CGREF1: variants seen among roughly 807,000 people sequenced by gnomAD.
CGREF1 encodes cell growth regulator with EF-hand domain 1.
Under a neutral mutation model 17.4 loss-of-function variants are expected in CGREF1, and 16 were observed. The ratio of observed to expected loss-of-function variants is 0.92; its 90% CI spans 0.62 to 1.40. The LOEUF (loss-of-function observed/expected upper bound fraction) is 1.40. Ranked by LOEUF, CGREF1 falls within the 40% of genes most tolerant of loss-of-function variation. The pLI is 0.00. For missense variants in CGREF1, 296 were observed against 376.4 expected, an observed-to-expected ratio of 0.79 and a Z score of 1.77; for synonymous variants, 142 against 154.6, an observed-to-expected ratio of 0.92 and a Z score of 0.61.
chr2:27,105,555 C>CT (rs386389774), intron 1 of CGREF1, among the ~76,000 whole-genome samples: 2 of 150,660 alleles, frequency 1.3e-5, no homozygotes, highest in African/African-American at 2.4e-5. Flanking sequence ...TCTTTTTTTT[C>CT]TTTTTTTTTG....
chr2:27,103,368 C>CAA (rs1183627703), intron 2 of CGREF1, among the ~76,000 whole-genome samples: 2 of 104,520 alleles, frequency 1.9e-5, no homozygotes, highest in Non-Finnish European at 3.8e-5. Context: ...TTTGGTGTTG[C>CAA]CACCATAAGG....
intron 1 of CGREF1, among the ~76,000 whole-genome samples, chr2:27,114,384 T>G (rs1671501670): frequency 6.6e-6 from 1 of 152,106 alleles, no homozygotes; most frequent in African/African-American, 2.4e-5. Flanking sequence ...ACCCCTCAGA[T>G]CCACTCATCC....
At chr2:27,099,516 G>C, downstream of CGREF1, 2 of 1,614,154 alleles carry the variant, frequency 1.2e-6, no homozygotes, top group Middle Eastern at 1.6e-4. Flanking sequence ...CACCCCGCGT[G>C]GTGGATACAC....
intron 1 of CGREF1, among the ~76,000 whole-genome samples, chr2:27,114,446 T>A (rs1489754882): frequency 1.3e-5 from 2 of 152,198 alleles, no homozygotes; most frequent in Non-Finnish European, 2.9e-5. Context: ...TACACATTCT[T>A]TGACATTCCT....
intron 1 of CGREF1, among the ~76,000 whole-genome samples, chr2:27,111,980 C>T (rs1172947902): frequency 6.6e-6 from 1 of 152,214 alleles, no homozygotes. Flanking sequence ...GCCGAGGAGG[C>T]GCCGAGAACG....
At chr2:27,104,869 A>C in intron 1 of CGREF1, 1 of 1,337,720 alleles carries the variant, frequency 7.5e-7, no homozygotes, top group Non-Finnish European at 9.9e-7. Flanking sequence ...CCCACTGAAG[A>C]ACAAATCAAA....
intron 1 of CGREF1, among the ~76,000 whole-genome samples, chr2:27,117,319 G>T (rs1323595973): frequency 6.6e-6 from 1 of 152,212 alleles, no homozygotes; most frequent in Non-Finnish European, 1.5e-5. Context: ...AGGTTAGTGC[G>T]ATGTGTTGAC....
At chr2:27,118,335 C>G (rs917991519) in intron 1 of CGREF1, among the ~76,000 whole-genome samples, 2 of 152,160 alleles carry the variant, frequency 1.3e-5, no homozygotes, top group Non-Finnish European at 1.5e-5. Context: ...TGAGTAGAAT[C>G]CTCTCCCTTA....
intron 1 of CGREF1, among the ~76,000 whole-genome samples, chr2:27,117,747 C>T (rs1406253731): frequency 1.5e-5 from 2 of 136,930 alleles, no homozygotes; most frequent in Non-Finnish European, 1.5e-5. Flanking sequence ...CTCGCTCTGT[C>T]GCCCAGGCTG....
chr2:27,102,471 T>G (rs1239147915), intron 3 of CGREF1, 41 bp from the exon 4 acceptor site: 9 of 1,613,268 alleles, frequency 5.6e-6, no homozygotes, highest in Non-Finnish European at 5.9e-6. Flanking sequence ...GAGGTGAGTC[T>G]GCAGCCCTGG....
chr2:27,101,174 G>A lies in CGREF1; in HGVS notation c.*100C>T. On this transcript the variant is annotated 3_prime_UTR_variant, in exon 6 of 6. Transcript: ENST00000402394. The stretch of plus-strand genomic sequence containing the variant: ...TGATACCTACTGGGACCAGGCAGGG[G>A]GCACAGAGATGGTCCTTGTCCCAGC... 6.7e-7 allele frequency: 1 copy of A among 1,492,012 alleles called. No individual in the cohort carries two copies. Among genetic ancestry groups the A allele is most frequent in the Non-Finnish European group, 8.9e-7 (1 of 1,127,268 alleles). 92.4% of individuals were successfully genotyped at this position (1,492,012 alleles called of 1,614,324 possible).
chr2:27,109,417 A>G lies in CGREF1; in HGVS notation c.-11-5040T>C, dbSNP rs114381708. Reference sequence around the variant, plus strand: ...TGAAATGCAAGAAAACATGTGGAGCAAAGAAATCACAAAGTATGTGGCTAA... The same window carrying G: ...TGAAATGCAAGAAAACATGTGGAGCGAAGAAATCACAAAGTATGTGGCTAA... On this transcript the variant is annotated intron_variant, in intron 1 of 5. Transcript: ENST00000402394. Among the ~76,000 whole-genome samples, 503 of 152,056 alleles carry G rather than the reference A, an allele frequency of 3.3e-3. 1 individual carries two copies. Among genetic ancestry groups the G allele is most frequent in the African/African-American group, 0.012 (478 of 41,508 alleles).
rs1671692650 is a variant in CGREF1, at chr2:27,118,946, GC to G, written c.-113del. Reference sequence around the variant, plus strand: ...TCCCGCCGCCAGCCTCCCCCGGGCCGCTCCACGTGGCCGCTCCACGTCGCCC... The same window carrying G: ...TCCCGCCGCCAGCCTCCCCCGGGCCGTCCACGTGGCCGCTCCACGTCGCCC... On this transcript the variant is annotated 5_prime_UTR_variant, in exon 1 of 6. Transcript: ENST00000402394. 6.6e-6 allele frequency: 1 copy of G among 152,064 alleles called. No homozygotes were observed. The highest frequency in any genetic ancestry group is 6.6e-5 in the Admixed American group (1 of 15,170). 9.4% of individuals were successfully genotyped at this position (152,064 alleles called of 1,614,324 possible).
chr2:27,115,920 T>C (rs1671548134), intron 1 of CGREF1, among the ~76,000 whole-genome samples: 1 of 152,128 alleles, frequency 6.6e-6, no homozygotes, highest in Non-Finnish European at 1.5e-5. Context: ...ACCTCAAAAA[T>C]GCAAGTGATT....
intron 1 of CGREF1, 27 bp from the exon 2 acceptor site, chr2:27,104,404 C>G (rs3769142): frequency 6.2e-7 from 1 of 1,611,772 alleles, no homozygotes; most frequent in Non-Finnish European, 8.5e-7. Flanking sequence ...AATCAGGGGT[C>G]GGGGGAAAGA....
intron 1 of CGREF1, among the ~76,000 whole-genome samples, chr2:27,116,363 C>A (rs528681875): frequency 1.6e-4 from 25 of 151,862 alleles, no homozygotes; most frequent in Admixed American, 6.6e-4. Flanking sequence ...CCCATCTCTA[C>A]TAAAAATATA....
chr2:27,099,392 C>T (rs1670638311), downstream of CGREF1: 5 of 1,612,248 alleles, frequency 3.1e-6, no homozygotes, highest in Non-Finnish European at 4.2e-6. Context: ...GGTGGGCTAA[C>T]ACCCAGCTGA....
In CGREF1 at chr2:27,101,342, G is replaced by T; in HGVS notation, c.889C>A (p.Leu297Met). Reference sequence around the variant, plus strand: ...TCATTTTGGGTGTTCTTAGACTCCAGTGTTTCCCCTGGAAGTTCCTTGGCC... The same window carrying T: ...TCATTTTGGGTGTTCTTAGACTCCATTGTTTCCCCTGGAAGTTCCTTGGCC... ...EEAKELPGETLESKNTQNDFE... is the reference protein window; with the variant it reads ...EEAKELPGETMESKNTQNDFE... The change falls in exon 6 of 6, where the codon CTG becomes ATG. Residue 297 changes from leucine to methionine, a missense_variant. Leu to Met is a conservative substitution (Grantham distance 15). Coordinates refer to ENST00000402394, the MANE Select transcript of CGREF1 (RefSeq NM_006569.6). The T allele has an allele frequency of 1.9e-6, 3 of 1,610,348 alleles. No homozygotes were observed. The South Asian group carries it at 3.3e-5, about 18-fold the overall frequency.
intron 2 of CGREF1, 29 bp downstream of exon 2, chr2:27,104,258 C>T: frequency 2.6e-6 from 4 of 1,527,182 alleles, no homozygotes; most frequent in Non-Finnish European, 3.5e-6. Context: ...TCCTCCCAGC[C>T]CTTGGCCCTG....
Sources: gnomAD v4.1 joint callset for allele counts (sites outside exome capture counted in the v4.1 genomes callset) on GRCh38, gnomAD v4.1.1 for gene constraint, MANE v1.5 for transcripts, NCBI Gene and HGNC (gene_info 2026-07-23, HGNC 2026-07-21) for gene names.